Variants in MAGI1 observed in about 807,000 individuals in gnomAD.
The protein encoded by MAGI1 is membrane-associated guanylate kinase, WW and PDZ domain-containing protein 1.
A neutral mutation model predicts 139.9 loss-of-function variants in MAGI1; 58 were observed. The observed-to-expected ratio is 0.41, with a 90% confidence interval of 0.34 to 0.52. MAGI1 has a LOEUF of 0.52. MAGI1 is among the 20% of genes least tolerant of loss of function. The probability of loss-of-function intolerance (pLI) is 0.12; values close to 1 mark genes in which losing one functional copy is unlikely to be tolerated. For missense variants in MAGI1, 1,874 were observed against 1,901.6 expected (o/e 0.99, Z 0.27); for synonymous variants, 812 against 737.9 (o/e 1.10, Z -1.63).
chr3:65,461,701 G>C (rs559551440), intron 5 of MAGI1, among the ~76,000 whole-genome samples: 8 of 151,770 alleles, frequency 5.3e-5, no homozygotes, highest in African/African-American at 9.7e-5. Flanking sequence ...TATTAGCCAG[G>C]ATGGTCTCGA....
intron 22 of MAGI1, among the ~76,000 whole-genome samples, chr3:65,357,560 G>T (rs1020245901): frequency 2.7e-5 from 3 of 109,490 alleles, no homozygotes; most frequent in Non-Finnish European, 5.2e-5. Flanking sequence ...TTGCTTTAAA[G>T]AATACTTGTT....
At chr3:65,449,219 C>T (rs1228771291) in intron 6 of MAGI1, among the ~76,000 whole-genome samples, 2 of 152,016 alleles carry the variant, frequency 1.3e-5, no homozygotes, top group East Asian at 1.9e-4. Flanking sequence ...CACATGTATA[C>T]ATATGTAACA....
chr3:65,753,867 T>A (rs2036358193), intron 1 of MAGI1, among the ~76,000 whole-genome samples: 1 of 152,090 alleles, frequency 6.6e-6, no homozygotes, highest in Non-Finnish European at 1.5e-5. Context: ...GTTGAAATTC[T>A]AGGAAAAGCA....
At chr3:65,970,675 C>G (rs555843745) in intron 1 of MAGI1, among the ~76,000 whole-genome samples, 2 of 152,170 alleles carry the variant, frequency 1.3e-5, no homozygotes, top group African/African-American at 4.8e-5. Flanking sequence ...CCAACCCACA[C>G]CCTAAGTAAA....
intron 1 of MAGI1, among the ~76,000 whole-genome samples, chr3:65,627,630 C>T (rs942735341): frequency 3.4e-4 from 51 of 150,638 alleles, no homozygotes; most frequent in Admixed American, 3.3e-4. Flanking sequence ...GCCTCAGCCT[C>T]CCGAGCAGCT....
rs115154287 is a variant in MAGI1 at position 65,637,027 on chromosome 3, A to C, written c.314-14939T>G. On this transcript the variant is annotated intron_variant, in intron 1 of 22. Transcript: ENST00000402939. ...ATCTTGGGCAGGACAATTCTTTGTC[A>C]CTGTGAATTTGTTCCATGAAACTCT... Among the ~76,000 whole-genome samples the C allele has an allele frequency of 2.9e-3, 444 of 152,312 alleles. 4 individuals carry two copies. The highest frequency in any genetic ancestry group is 0.01 in the African/African-American group (427 of 41,568).
At chr3:65,408,083 GA>G (rs1211874673) in intron 12 of MAGI1, among the ~76,000 whole-genome samples, 1 of 152,220 alleles carries the variant, frequency 6.6e-6, no homozygotes, top group African/African-American at 2.4e-5. Flanking sequence ...GGGAGTCTTT[GA>G]AACCTTCACT....
At chr3:65,688,008 T>A (rs893485453) in intron 1 of MAGI1, 3 of 830,456 alleles carry the variant, frequency 3.6e-6, no homozygotes, top group Admixed American at 3.5e-5. Context: ...TTCGTTTTCC[T>A]GGCTTTGAGC....
chr3:65,425,133 CAA>C (rs72130952), intron 12 of MAGI1, among the ~76,000 whole-genome samples: 25,828 of 74,284 alleles, frequency 0.35, 4,138 homozygotes, highest in East Asian at 0.74. Flanking sequence ...AAAAAAAAAA[CAA>C]AAAAAAACAC....
rs943325671 is a variant in MAGI1, at chr3:65,742,248, C to G, written c.314-120160G>C. Among the ~76,000 whole-genome samples the G allele has an allele frequency of 1.5e-4, 23 of 152,120 alleles. 1 individual carries two copies. The highest frequency in any genetic ancestry group is 5.2e-4 in the Admixed American group (8 of 15,282). On this transcript the variant is annotated intron_variant, in intron 1 of 22. Transcript: ENST00000402939. ...GGAGCACTTTCAATGAATCAGGTTC[C>G]CTGCCAAATATTTTACATCATTATT... is the stretch of plus-strand genomic sequence containing the variant.
chr3:65,359,195 G>A (rs761810524), intron 22 of MAGI1: 1 of 1,604,566 alleles, frequency 6.2e-7, no homozygotes, highest in Non-Finnish European at 8.5e-7. Flanking sequence ...TCAGAGAGAA[G>A]GAGAAAGAGA....
intron 1 of MAGI1, among the ~76,000 whole-genome samples, chr3:65,822,956 A>C (rs2042027758): frequency 6.6e-6 from 1 of 152,186 alleles, no homozygotes; most frequent in Admixed American, 6.5e-5. Context: ...ACAGATCCAA[A>C]CCATATCACC....
chr3:65,527,232 G>A (rs2078427297), intron 2 of MAGI1, among the ~76,000 whole-genome samples: 1 of 152,170 alleles, frequency 6.6e-6, no homozygotes, highest in Non-Finnish European at 1.5e-5. Context: ...CCGAACTTGG[G>A]ATGCTACCAT....
At chr3:65,657,092 G>T (rs58869946) in intron 1 of MAGI1, among the ~76,000 whole-genome samples, 47,158 of 151,558 alleles carry the variant, frequency 0.31, 8,904 homozygotes, top group East Asian at 0.62. Flanking sequence ...GCCAAGTATT[G>T]GGCTAAAAAC....
At chr3:65,852,628 C>G (rs1180829226) in intron 1 of MAGI1, among the ~76,000 whole-genome samples, 1 of 151,766 alleles carries the variant, frequency 6.6e-6, no homozygotes, top group Admixed American at 6.6e-5. Flanking sequence ...CTCAACCTCC[C>G]AAGTAGCTGG....
chr3:66,024,885 G>A (rs546812783), intron 1 of MAGI1, among the ~76,000 whole-genome samples: 9 of 152,208 alleles, frequency 5.9e-5, no homozygotes, highest in South Asian at 4.2e-4. Flanking sequence ...CCAGTAGAAG[G>A]TATTATCTTT....
At chr3:65,413,299 C>T (rs977569754) in intron 12 of MAGI1, among the ~76,000 whole-genome samples, 1 of 152,112 alleles carries the variant, frequency 6.6e-6, no homozygotes, top group Non-Finnish European at 1.5e-5. Flanking sequence ...TGCCTGGTAC[C>T]ATATCAAGCT....
At chr3:65,595,138 A>AC (rs1251690210) in intron 2 of MAGI1, among the ~76,000 whole-genome samples, 3 of 151,898 alleles carry the variant, frequency 2.0e-5, no homozygotes, top group Non-Finnish European at 2.9e-5. Context: ...CCACTCCTCT[A>AC]CCCCCATCCA....
intron 1 of MAGI1, among the ~76,000 whole-genome samples, chr3:65,817,451 T>C (rs1575597610): frequency 6.6e-6 from 1 of 152,190 alleles, no homozygotes; most frequent in African/African-American, 2.4e-5. Context: ...TTATACGCAG[T>C]AATACTAAAA....
Sources: gnomAD v4.1 joint callset for allele counts (sites outside exome capture counted in the v4.1 genomes callset) on GRCh38, gnomAD v4.1.1 for gene constraint, MANE v1.5 for transcripts, NCBI Gene and HGNC (gene_info 2026-07-23, HGNC 2026-07-21) for gene names.